The following TRPC5 variants were observed in gnomAD, a reference collection of about 807,000 sequenced individuals.
TRPC5 encodes transient receptor potential cation channel subfamily C member 5.
TRPC5 carries 9 observed loss-of-function variants against 56.5 expected under a neutral mutation model. The observed-to-expected ratio is 0.16, with a 90% CI of 0.10 to 0.28. The LOEUF (loss-of-function observed/expected upper bound fraction) is 0.28. Among genes scored for constraint, TRPC5 ranks in the 10% least tolerant of loss-of-function variants. The pLI is 1.00. For synonymous variants in TRPC5, 282 were observed against 278.5 expected (o/e 1.01, Z -0.13); for missense variants, 469 against 748.9 (o/e 0.63, Z 4.36).
intron 1 of TRPC5, among the ~76,000 whole-genome samples, chrX:112,074,652 C>T (rs757685206): frequency 9.0e-6 from 1 of 111,545 alleles, no homozygotes; most frequent in Non-Finnish European, 1.9e-5. Context: ...TGGCTTAAAG[C>T]ATGATGCCCT....
intron 7 of TRPC5, among the ~76,000 whole-genome samples, chrX:111,809,293 C>T (rs1178621410): frequency 9.0e-6 from 1 of 111,217 alleles, no homozygotes; most frequent in Non-Finnish European, 1.9e-5. Flanking sequence ...AGCACTTTGG[C>T]CTGAGGTGGT....
At chrX:111,991,977 T>A (rs1287783405) in intron 1 of TRPC5, among the ~76,000 whole-genome samples, 1 of 112,323 alleles carries the variant, frequency 8.9e-6, no homozygotes, top group Non-Finnish European at 1.9e-5. Flanking sequence ...AGAGAATTTA[T>A]CATCACTCTT....
intron 2 of TRPC5, among the ~76,000 whole-genome samples, chrX:111,942,282 T>C (rs1926801790): frequency 8.9e-6 from 1 of 112,468 alleles, no homozygotes; most frequent in Admixed American, 9.4e-5. Context: ...TATTTCAATT[T>C]GATTGTGAGG....
At chrX:111,864,268 G>A (rs1923487052) in intron 3 of TRPC5, among the ~76,000 whole-genome samples, 1 of 112,165 alleles carries the variant, frequency 8.9e-6, no homozygotes. Flanking sequence ...GATTACAGGC[G>A]TGAGCCACCA....
intron 7 of TRPC5, among the ~76,000 whole-genome samples, chrX:111,789,255 A>G (rs1202414980): frequency 6.3e-5 from 7 of 111,736 alleles, no homozygotes; most frequent in Non-Finnish European, 3.8e-5. Flanking sequence ...CTCAGAAATA[A>G]CACCACACAT....
At chrX:111,805,882 A>G (rs954086039) in intron 7 of TRPC5, among the ~76,000 whole-genome samples, 1 of 110,485 alleles carries the variant, frequency 9.1e-6, no homozygotes, top group Admixed American at 9.7e-5. Context: ...TGTGTTGCCC[A>G]GGCTGAACTT....
intron 1 of TRPC5, among the ~76,000 whole-genome samples, chrX:112,078,659 T>G (rs1324350900): frequency 1.8e-5 from 2 of 112,556 alleles, no homozygotes; most frequent in Non-Finnish European, 1.9e-5. Context: ...AAACCAAACC[T>G]AAGAAACTTG....
At chrX:111,802,277 G>A (rs1322928894) in intron 7 of TRPC5, among the ~76,000 whole-genome samples, 1 of 111,468 alleles carries the variant, frequency 9.0e-6, no homozygotes, top group African/African-American at 3.3e-5. Context: ...TAGCTTTGTA[G>A]TAAGTTTTGA....
chrX:111,853,093 A>G (rs1247045004), intron 4 of TRPC5, among the ~76,000 whole-genome samples: 3 of 111,885 alleles, frequency 2.7e-5, no homozygotes, highest in Non-Finnish European at 3.8e-5. Context: ...GAATTACCTG[A>G]GGATCATGTT....
intron 1 of TRPC5, among the ~76,000 whole-genome samples, chrX:112,017,278 G>A (rs985501060): frequency 8.1e-5 from 9 of 111,424 alleles, no homozygotes; most frequent in African/African-American, 2.6e-4. Context: ...CTTCCAAAGT[G>A]CTGGGATTAC....
chrX:111,907,228 A>C (rs1309448024), intron 3 of TRPC5, among the ~76,000 whole-genome samples: 1 of 110,836 alleles, frequency 9.0e-6, no homozygotes, highest in Admixed American at 9.6e-5. Flanking sequence ...TAAGATGTTA[A>C]TATGTTTTTT....
chrX:111,880,058 A>G (rs192713205), intron 3 of TRPC5, among the ~76,000 whole-genome samples: 6 of 111,710 alleles, frequency 5.4e-5, no homozygotes, highest in Non-Finnish European at 1.9e-5. Context: ...TCATATTTTT[A>G]AAATGAAGAT....
At position 111,768,985 on chromosome X, in the gene TRPC5, C is replaced by T. The variant is rs1009144464; in HGVS notation, c.*7328G>A. On this transcript the variant is annotated 3_prime_UTR_variant, in exon 11 of 11. Coordinates refer to ENST00000262839, the MANE Select transcript of TRPC5 (RefSeq NM_012471.3). ...GTGGCCACAACATGATGAGGCTATA[C>T]TTTAAATACCATGACTAGATCTTAT... 1.4e-4 allele frequency among the ~76,000 whole-genome samples: 16 copies of T among 112,137 alleles called. No homozygotes were observed. Among genetic ancestry groups the T allele is most frequent in the Non-Finnish European group, 2.8e-4 (15 of 53,172 alleles).
intron 7 of TRPC5, among the ~76,000 whole-genome samples, chrX:111,822,933 C>T (rs1335923605): frequency 9.0e-6 from 1 of 111,129 alleles, no homozygotes; most frequent in African/African-American, 3.3e-5. Context: ...GTCTGGGATC[C>T]GGAGGAGTAG....
intron 3 of TRPC5, among the ~76,000 whole-genome samples, chrX:111,858,569 G>T (rs1923306267): frequency 9.0e-6 from 1 of 111,317 alleles, no homozygotes; most frequent in African/African-American, 3.3e-5. Context: ...GACTGCTTCT[G>T]TGTCTCTTTG....
chrX:111,781,272 C>T (rs1945917712), intron 8 of TRPC5, 66 bp from the exon 9 acceptor site: 1 of 987,259 alleles, frequency 1.0e-6, no homozygotes, highest in Non-Finnish European at 1.4e-6. Flanking sequence ...ACCCAAACAT[C>T]TGAATATAAT....
At chrX:111,863,173 G>C (rs1321538027) in intron 3 of TRPC5, among the ~76,000 whole-genome samples, 1 of 111,301 alleles carries the variant, frequency 9.0e-6, no homozygotes, top group Non-Finnish European at 1.9e-5. Context: ...AGAGAACATA[G>C]GGGAAAAAAA....
At chrX:111,858,225 T>C (rs1229799639) in intron 3 of TRPC5, among the ~76,000 whole-genome samples, 2 of 111,653 alleles carry the variant, frequency 1.8e-5, no homozygotes, top group Non-Finnish European at 3.8e-5. Context: ...TGACAGATTA[T>C]TTAATCAATC....
At chrX:111,898,251 TTATATATATATA>T (rs58112324) in intron 3 of TRPC5, among the ~76,000 whole-genome samples, 2 of 92,420 alleles carry the variant, frequency 2.2e-5, no homozygotes, top group African/African-American at 7.8e-5. Context: ...GTAGGGGTTC[TTATATATATATA>T]TATATATATA....
Sources: allele counts gnomAD v4.1 joint callset (sites outside exome capture counted in the v4.1 genomes callset), GRCh38; gene constraint gnomAD v4.1.1; transcripts MANE v1.5; gene names NCBI Gene and HGNC (gene_info 2026-07-23, HGNC 2026-07-21).